DIAPH2: variants seen among roughly 807,000 people sequenced by gnomAD.
The protein encoded by DIAPH2 is protein diaphanous homolog 2.
In DIAPH2, 35 loss-of-function variants were observed where a neutral mutation model predicts 92.7. The ratio of observed to expected loss-of-function variants is 0.38; its 90% CI spans 0.29 to 0.50. The LOEUF is 0.50. Among genes scored for constraint, DIAPH2 ranks in the 20% least tolerant of loss-of-function variants. The pLI is 0.94. For synonymous variants in DIAPH2, 301 were observed against 280.4 expected, an observed-to-expected ratio of 1.07 and a Z score of -0.73; for missense variants, 701 against 819.5, an observed-to-expected ratio of 0.86 and a Z score of 1.77.
intron 4 of DIAPH2, among the ~76,000 whole-genome samples, chrX:96,812,680 A>G (rs2064694254): frequency 8.9e-6 from 1 of 111,879 alleles, no homozygotes; most frequent in African/African-American, 3.3e-5. Flanking sequence ...TTCCCTCTAC[A>G]CACTGCATTA....
chrX:96,799,585 G>A (rs1315096903), intron 4 of DIAPH2, among the ~76,000 whole-genome samples: 1 of 111,669 alleles, frequency 9.0e-6, no homozygotes, highest in Non-Finnish European at 1.9e-5. Flanking sequence ...TGAGGCAGGC[G>A]GATCACGAGC....
chrX:96,870,913 G>A (rs2065137557), intron 4 of DIAPH2, among the ~76,000 whole-genome samples: 1 of 111,759 alleles, frequency 8.9e-6, no homozygotes, highest in Non-Finnish European at 1.9e-5. Context: ...AACTTGCTTT[G>A]TTACACTGTC....
chrX:97,063,067 C>A (rs1319051367), intron 17 of DIAPH2, among the ~76,000 whole-genome samples: 3 of 104,007 alleles, frequency 2.9e-5, no homozygotes, highest in Non-Finnish European at 5.9e-5. Context: ...GAAATGAAAT[C>A]TTCAGGTCCT....
intron 19 of DIAPH2, among the ~76,000 whole-genome samples, chrX:97,095,098 CTTTTTTTTTTTTTTTTTTTTTT>C (rs61350837): frequency 6.7e-4 from 15 of 22,406 alleles, no homozygotes; most frequent in Admixed American, 1.8e-3. Flanking sequence ...GTTTCTTTTT[CTTTTTTTTTTTTTTTTTTTTTT>C]TTTTTTTTTT....
At chrX:97,083,357 C>T (rs759540633) in intron 19 of DIAPH2, among the ~76,000 whole-genome samples, 9 of 112,270 alleles carry the variant, frequency 8.0e-5, no homozygotes, top group African/African-American at 2.9e-4. Context: ...GTGGTAGACA[C>T]GTAGATTCAT....
intron 3 of DIAPH2, among the ~76,000 whole-genome samples, chrX:96,742,742 CT>C (rs1427837849): frequency 3.7e-5 from 4 of 109,305 alleles, no homozygotes; most frequent in Non-Finnish European, 7.6e-5. Context: ...TCTTGGCTCA[CT>C]GCAACCTCTG....
At chrX:97,122,606 A>G (rs1242385510) in intron 21 of DIAPH2, among the ~76,000 whole-genome samples, 2 of 111,616 alleles carry the variant, frequency 1.8e-5, no homozygotes, top group African/African-American at 6.5e-5. Context: ...ACTTTTTCCT[A>G]TCAGACAATA....
intron 23 of DIAPH2, among the ~76,000 whole-genome samples, chrX:97,249,207 T>A (rs919604399): frequency 2.7e-5 from 3 of 111,832 alleles, no homozygotes; most frequent in African/African-American, 9.7e-5. Context: ...CTTCTACTGT[T>A]GGCTTATAGC....
chrX:97,069,248 G>C (rs1380793576), intron 17 of DIAPH2, among the ~76,000 whole-genome samples: 2 of 111,237 alleles, frequency 1.8e-5, no homozygotes, highest in East Asian at 2.8e-4. Flanking sequence ...CACCCAGCCT[G>C]TATGTAGTGT....
chrX:96,906,724 A>G (rs901387029), intron 5 of DIAPH2, among the ~76,000 whole-genome samples: 5 of 112,200 alleles, frequency 4.5e-5, no homozygotes, highest in African/African-American at 1.6e-4. Context: ...GCATAATCCA[A>G]TGATGGATGA....
chrX:97,065,797 A>G (rs2066629920), intron 17 of DIAPH2, among the ~76,000 whole-genome samples: 1 of 111,603 alleles, frequency 9.0e-6, no homozygotes, highest in Admixed American at 9.6e-5. Context: ...AAGACCTTCC[A>G]GTGGGACAAG....
Position 97,060,429 on chromosome X carries a change from C to T in DIAPH2, c.2051-12512C>T, listed in dbSNP as rs761129428. 4.3e-3 allele frequency among the ~76,000 whole-genome samples: 472 copies of T among 109,904 alleles called. 4 individuals are homozygous for T. Among genetic ancestry groups the T allele is most frequent in the Non-Finnish European group, 5.7e-3 (301 of 52,657 alleles). On this transcript the variant is annotated intron_variant, in intron 17 of 26. Coordinates refer to ENST00000324765, the MANE Select transcript of DIAPH2 (RefSeq NM_006729.5). The stretch of plus-strand genomic sequence containing the variant: ...AGGATTTCTGATTTTTTTTTTTTAA[C>T]ATAAGGCAGATTTCATTCTATTCTT...
At chrX:97,174,344 G>A (rs2067476706) in intron 22 of DIAPH2, among the ~76,000 whole-genome samples, 1 of 110,852 alleles carries the variant, frequency 9.0e-6, no homozygotes, top group Non-Finnish European at 1.9e-5. Flanking sequence ...AGAATGTAAA[G>A]TTTTGAAATT....
In DIAPH2 at chrX:97,187,843, A is replaced by G. The variant is rs1320627471; in HGVS notation, c.2719+46049A>G. ...TTAAGGGTTATTTTCCAAACTTAGC[A>G]AGGTAATTAACATATCATGCTAATA... is the stretch of plus-strand genomic sequence containing the variant. On this transcript the variant is annotated intron_variant, in intron 22 of 26. Transcript: ENST00000324765. Among the ~76,000 whole-genome samples, 3 of 111,688 alleles carry G rather than the reference A, an allele frequency of 2.7e-5. No homozygotes were observed. The Admixed American group carries it at 2.9e-4, about 11-fold the overall frequency.
intron 4 of DIAPH2, among the ~76,000 whole-genome samples, chrX:96,780,394 A>G (rs1569393376): frequency 9.0e-6 from 1 of 111,469 alleles, no homozygotes; most frequent in Non-Finnish European, 1.9e-5. Flanking sequence ...ATTATTTAAA[A>G]TGTGTGTGTG....
chrX:97,293,243 CTTT>C (rs1184478622), intron 23 of DIAPH2, among the ~76,000 whole-genome samples: 1 of 63,216 alleles, frequency 1.6e-5, no homozygotes, highest in Non-Finnish European at 3.0e-5. Context: ...ATATTTCTTT[CTTT>C]TTTTTTTTTT....
At chrX:97,554,225 G>A (rs1220545013) in intron 26 of DIAPH2, among the ~76,000 whole-genome samples, 5 of 111,383 alleles carry the variant, frequency 4.5e-5, no homozygotes, top group South Asian at 3.8e-4. Flanking sequence ...ATAGCAGCAC[G>A]TCCAGTGATT....
At chrX:96,894,243 G>C (rs1271386523) in intron 5 of DIAPH2, among the ~76,000 whole-genome samples, 1 of 105,203 alleles carries the variant, frequency 9.5e-6, no homozygotes, top group Admixed American at 1.0e-4. Flanking sequence ...TGAGTACTGA[G>C]TACTGCTACA....
intron 22 of DIAPH2, among the ~76,000 whole-genome samples, chrX:97,212,383 G>GA (rs35837443): frequency 0.48 from 52,765 of 109,291 alleles, 10,038 homozygotes; most frequent in Non-Finnish European, 0.6. Context: ...GGTTATTTGA[G>GA]AAAAAGATAT....
Sources: gnomAD v4.1 joint callset for allele counts (sites outside exome capture counted in the v4.1 genomes callset) on GRCh38, gnomAD v4.1.1 for gene constraint, MANE v1.5 for transcripts, NCBI Gene and HGNC (gene_info 2026-07-23, HGNC 2026-07-21) for gene names.